BEND7: variants seen among roughly 807,000 people sequenced by gnomAD.
The protein encoded by BEND7 is BEN domain containing 7, also known as BEN domain-containing protein 7.
A neutral mutation model predicts 50.9 loss-of-function variants in BEND7; 28 were observed. The ratio of observed to expected loss-of-function variants is 0.55; its 90% CI spans 0.41 to 0.75. BEND7 has a LOEUF of 0.75. Ranked by LOEUF, BEND7 falls within the 30% of genes least tolerant of loss-of-function variation. The pLI is 0.00. For missense variants in BEND7, 477 were observed against 491.3 expected (o/e 0.97, Z 0.28); for synonymous variants, 170 against 183.9 (o/e 0.92, Z 0.61).
intron 5 of BEND7, among the ~76,000 whole-genome samples, chr10:13,488,942 T>C (rs1009875681): frequency 3.3e-5 from 5 of 152,242 alleles, no homozygotes; most frequent in Non-Finnish European, 7.3e-5. Context: ...AAAACACTAT[T>C]TGTTCACGTG....
At chr10:13,486,550 T>C (rs1020173894) in intron 5 of BEND7, among the ~76,000 whole-genome samples, 3 of 152,112 alleles carry the variant, frequency 2.0e-5, no homozygotes, top group African/African-American at 7.2e-5. Flanking sequence ...CTCTTTTCAT[T>C]AAGCAAAAAA....
At chr10:13,490,742 G>A (rs1412822143) in intron 5 of BEND7, among the ~76,000 whole-genome samples, 2 of 152,176 alleles carry the variant, frequency 1.3e-5, no homozygotes, top group Non-Finnish European at 2.9e-5. Context: ...TTTTACCAAT[G>A]CCAGCCAGAC....
At chr10:13,494,017 C>A (rs1255163585) in intron 4 of BEND7, among the ~76,000 whole-genome samples, 1 of 152,190 alleles carries the variant, frequency 6.6e-6, no homozygotes, top group Non-Finnish European at 1.5e-5. Flanking sequence ...ATATTAGAAG[C>A]AAACTAATTG....
At chr10:13,510,205 A>G (rs1008453618) in intron 2 of BEND7, among the ~76,000 whole-genome samples, 3 of 152,230 alleles carry the variant, frequency 2.0e-5, no homozygotes, top group Admixed American at 1.3e-4. Flanking sequence ...GAAGAAAAAA[A>G]TGATCAATAA....
chr10:13,476,675 C>G (rs909328168), intron 6 of BEND7, among the ~76,000 whole-genome samples: 11 of 152,184 alleles, frequency 7.2e-5, no homozygotes, highest in Admixed American at 2.0e-4. Context: ...TATATCACAG[C>G]AAGAACTAGA....
rs78020701 is a variant in BEND7 at position 13,492,891 on chromosome 10, C to A, written c.572-15G>T. ...TTGAGTTCCAACTGCGAATAATAAA[C>A]AAAAATATGGTACAGGCACGTGTGT... is the stretch of plus-strand genomic sequence containing the variant. On this transcript the variant is annotated splice_polypyrimidine_tract_variant and intron_variant, in intron 4 of 8. Transcript: ENST00000466271. The A allele has an allele frequency of 3.9e-4, 615 of 1,592,172 alleles. 7 individuals carry two copies. In the East Asian group the frequency reaches 0.013, roughly 34 times the overall value.
chr10:13,441,626 A>G lies in BEND7; in HGVS notation c.*117T>C, dbSNP rs1835339427. 6.3e-7 allele frequency: 1 copy of G among 1,575,026 alleles called. No homozygotes were observed. Among genetic ancestry groups the G allele is most frequent in the Non-Finnish European group, 8.6e-7 (1 of 1,162,548 alleles). On this transcript the variant is annotated 3_prime_UTR_variant, in exon 9 of 9. Transcript: ENST00000466271. ...TACTCATCCTATTTTAACACGGCGA[A>G]AGGTCACCAATTAATCTTCTCCCTT...
chr10:13,448,079 A>G (rs1836818346), intron 7 of BEND7, among the ~76,000 whole-genome samples: 1 of 152,192 alleles, frequency 6.6e-6, no homozygotes, highest in Admixed American at 6.5e-5. Flanking sequence ...GGTCATGAAG[A>G]AGGAATAGGC....
intron 6 of BEND7, among the ~76,000 whole-genome samples, chr10:13,466,443 C>T (rs1215983526): frequency 2.0e-5 from 3 of 151,944 alleles, no homozygotes; most frequent in African/African-American, 7.3e-5. Flanking sequence ...CCTGTAATCC[C>T]AGCTACTAGG....
chr10:13,492,666 G>A lies in BEND7; in HGVS notation c.782C>T (p.Pro261Leu), dbSNP rs183410236. The change falls in exon 5 of 9, where the codon CCG becomes CTG. Residue 261 changes from proline to leucine, a missense_variant. By Grantham distance (98) the Pro-to-Leu change is moderately conservative. This residue lies in a region of BEND7 where 396 missense variants were observed against 384.2 expected (regional missense o/e 1.03). Coordinates refer to ENST00000466271, the MANE Select transcript of BEND7 (RefSeq NM_001369863.1). ...GAATCCTAGAACGCGGCTCTCCTCC[G>A]GGGAGGTGTGCTCGGCTGCCTGGAG... is the stretch of plus-strand genomic sequence containing the variant. ...SALQAAEHTS[P>L]EESRVLGFGI... 32 of 1,614,162 alleles carry A rather than the reference G, an allele frequency of 2.0e-5. No homozygotes were observed. Among genetic ancestry groups the A allele is most frequent in the African/African-American group, 5.3e-5 (4 of 75,064 alleles).
At chr10:13,495,932 C>T (rs1204466977) in intron 4 of BEND7, among the ~76,000 whole-genome samples, 1 of 152,148 alleles carries the variant, frequency 6.6e-6, no homozygotes, top group Non-Finnish European at 1.5e-5. Flanking sequence ...AAACTTAATA[C>T]AATGATTTAT....
At chr10:13,441,047 A>C (rs547851828), downstream of BEND7, 170 of 955,142 alleles carry the variant, frequency 1.8e-4, no homozygotes, top group African/African-American at 2.9e-3. Context: ...TCTCTTCATA[A>C]ACACAGGAAG....
intron 2 of BEND7, among the ~76,000 whole-genome samples, chr10:13,505,584 T>C (rs1401163503): frequency 1.3e-5 from 2 of 152,208 alleles, no homozygotes; most frequent in Non-Finnish European, 2.9e-5. Flanking sequence ...ACTCTCACAC[T>C]GTGCTTGTGC....
In BEND7 at chr10:13,492,825, C is replaced by T. The variant is rs1352779815; in HGVS notation, c.623G>A (p.Arg208Gln). 7.5e-6 allele frequency: 12 copies of T among 1,607,316 alleles called. No homozygotes were observed. The highest frequency in any genetic ancestry group is 2.2e-5 in the East Asian group (1 of 44,884). Residue 208 changes from arginine (R) to glutamine (Q), a missense_variant, in exon 5 of 9, where the codon CGA (arginine) becomes CAA (glutamine). Transcript: ENST00000466271. ...QPPISLICSQ[R>Q]TAVSRKRNKK... ...ATTTCTCTTTCGTGAGACAGCAGTT[C>T]GCTGGGAGCATATAAGGGAAATTGG...
chr10:13,488,766 C>T (rs769112178), intron 5 of BEND7, among the ~76,000 whole-genome samples: 2 of 152,214 alleles, frequency 1.3e-5, no homozygotes, highest in Admixed American at 6.5e-5. Flanking sequence ...GGATTACAGG[C>T]GTGAGCCACC....
At chr10:13,503,197 G>C (rs1215198709) in intron 2 of BEND7, among the ~76,000 whole-genome samples, 1 of 152,234 alleles carries the variant, frequency 6.6e-6, no homozygotes, top group Non-Finnish European at 1.5e-5. Context: ...GAAGGTGGCA[G>C]GTGTGAGGGG....
At chr10:13,512,995 A>G (rs1248693792) in intron 2 of BEND7, among the ~76,000 whole-genome samples, 4 of 152,084 alleles carry the variant, frequency 2.6e-5, no homozygotes, top group African/African-American at 4.8e-5. Flanking sequence ...CAAAAAATAC[A>G]TTTTTCATGA....
Position 13,528,732 on chromosome 10 carries a change from G to A in BEND7, c.-199C>T, listed in dbSNP as rs2079572925. On this transcript the variant is annotated 5_prime_UTR_variant, in exon 1 of 9. Coordinates refer to ENST00000466271, the MANE Select transcript of BEND7 (RefSeq NM_001369863.1). ...GCCGGCTCGGGGCTGCAGGCGCGGG[G>A]CCCGGCGGCGTGGGCTCCCGGGCGA... 6.5e-6 allele frequency: 1 copy of A among 154,348 alleles called. No homozygotes were observed. 9.6% of individuals were successfully genotyped at this position (154,348 alleles called of 1,614,324 possible). A position where few individuals can be genotyped will look rare whatever the true frequency, so the allele number is the denominator to read the frequency against.
At chr10:13,467,461 TAC>T (rs1483108011) in intron 6 of BEND7, among the ~76,000 whole-genome samples, 2 of 152,248 alleles carry the variant, frequency 1.3e-5, no homozygotes, top group Admixed American at 1.3e-4. Flanking sequence ...CATGACATAC[TAC>T]ACTTTCCATG....
Sources: allele counts gnomAD v4.1 joint callset (sites outside exome capture counted in the v4.1 genomes callset), GRCh38; gene constraint gnomAD v4.1.1; regional missense constraint gnomAD v4.1.1; transcripts MANE v1.5; gene names NCBI Gene and HGNC (gene_info 2026-07-23, HGNC 2026-07-21).